GOLPH3: variants seen among roughly 807,000 people sequenced by gnomAD.
GOLPH3 encodes the protein golgi phosphoprotein 3.
Under a neutral mutation model 28.5 loss-of-function variants are expected in GOLPH3, and 14 were observed. The ratio of observed to expected loss-of-function variants is 0.49; its 90% CI spans 0.32 to 0.77. GOLPH3 has a LOEUF of 0.77. Among genes scored for constraint, GOLPH3 ranks in the 30% least tolerant of loss-of-function variants. GOLPH3 has a pLI of 0.03. For missense variants in GOLPH3, 350 were observed against 393.7 expected, an observed-to-expected ratio of 0.89 and a Z score of 0.94; for synonymous variants, 158 against 159.2, an observed-to-expected ratio of 0.99 and a Z score of 0.06.
At chr5:32,138,934 T>C (rs1426299921) in intron 2 of GOLPH3, among the ~76,000 whole-genome samples, 3 of 152,256 alleles carry the variant, frequency 2.0e-5, no homozygotes, top group African/African-American at 7.2e-5. Context: ...TACATCTAAA[T>C]ATGGTGGCCA....
chr5:32,159,173 G>C (rs1746520311), intron 1 of GOLPH3, among the ~76,000 whole-genome samples: 1 of 152,146 alleles, frequency 6.6e-6, no homozygotes, highest in African/African-American at 2.4e-5. Flanking sequence ...AACAGAAGAG[G>C]GTACAGGTTG....
chr5:32,157,920 T>G lies in GOLPH3; in HGVS notation c.226-14040A>C, dbSNP rs192254756. Among the ~76,000 whole-genome samples the G allele has an allele frequency of 7.1e-4, 108 of 151,084 alleles. 1 individual carries two copies. Among genetic ancestry groups the G allele is most frequent in the Non-Finnish European group, 1.2e-3 (80 of 67,838 alleles). On this transcript the variant is annotated intron_variant, in intron 1 of 3. Coordinates refer to ENST00000265070, the MANE Select transcript of GOLPH3 (RefSeq NM_022130.4). ...TGAACCCAGGAGGAGGAGGTTGCAG[T>G]GAGCCGAGATCACGCCATTGTACTC... is the stretch of plus-strand genomic sequence containing the variant.
chr5:32,149,574 T>C (rs1189427187), intron 1 of GOLPH3, among the ~76,000 whole-genome samples: 2 of 151,936 alleles, frequency 1.3e-5, no homozygotes, highest in African/African-American at 2.4e-5. Context: ...AAATTTTGAT[T>C]ATGTCAAAAA....
chr5:32,127,175 A>G (rs1194639808), intron 3 of GOLPH3, among the ~76,000 whole-genome samples: 1 of 152,236 alleles, frequency 6.6e-6, no homozygotes, highest in Admixed American at 6.5e-5. Flanking sequence ...CTTGCCATCC[A>G]TACATATTTC....
At chr5:32,158,209 A>T (rs1302008791) in intron 1 of GOLPH3, among the ~76,000 whole-genome samples, 2 of 150,380 alleles carry the variant, frequency 1.3e-5, no homozygotes, top group African/African-American at 4.9e-5. Context: ...AGCTCTTACC[A>T]CTCTCCATAT....
intron 1 of GOLPH3, among the ~76,000 whole-genome samples, chr5:32,154,533 G>A (rs1167826612): frequency 6.6e-6 from 1 of 152,134 alleles, no homozygotes; most frequent in Non-Finnish European, 1.5e-5. Context: ...TTTGGCTTGT[G>A]GCCTACAATT....
chr5:32,140,665 GAAA>G (rs11352127), intron 2 of GOLPH3, among the ~76,000 whole-genome samples: 1 of 117,030 alleles, frequency 8.5e-6, no homozygotes, highest in East Asian at 2.5e-4. Context: ...CTCAGTCTCA[GAAA>G]AAAAAAAAAA....
Position 32,126,212 on chromosome 5 carries a change from T to C in GOLPH3, c.897A>G (p.Ter299=). Residue 299 remains the stop codon, a stop_retained_variant, in exon 4 of 4, where the codon TAA becomes TAG. Transcript: ENST00000265070. ...LWAVVAAFTK[*] The stretch of plus-strand genomic sequence containing the variant: ...GGAGAATGGTTCACCCCGAGCAGAG[T>C]TACTTGGTGAACGCCGCCACCACCG... The C allele has an allele frequency of 1.9e-6, 3 of 1,607,292 alleles. No individual in the cohort carries two copies.
At chr5:32,160,384 AAT>A (rs780910817) in intron 1 of GOLPH3, among the ~76,000 whole-genome samples, 3 of 152,214 alleles carry the variant, frequency 2.0e-5, no homozygotes, top group Non-Finnish European at 2.9e-5. Context: ...AGCTGGAAGT[AAT>A]ATATTTCAAG....
rs553407526 is a variant in GOLPH3 at position 32,126,434 on chromosome 5, C to T, written c.675G>A (p.Trp225Ter). The stretch of plus-strand genomic sequence containing the variant: ...TGTCCATGCGGTGAGGGTCATTCAC[C>T]CATTTGTCAAGAACGGCTTCCTGTA... ...KKVQEAVLDK[W>*]VNDPHRMDRR... The change falls in exon 4 of 4, where the codon TGG (tryptophan) becomes TGA (stop). Residue 225 changes from tryptophan (W) to a stop codon, truncating the protein, a stop_gained. Transcript: ENST00000265070. LOFTEE classifies it high-confidence loss of function. The T allele has an allele frequency of 1.7e-5, 28 of 1,614,156 alleles. No homozygotes were observed. The South Asian group carries it at 2.9e-4, about 16-fold the overall frequency.
intron 1 of GOLPH3, among the ~76,000 whole-genome samples, chr5:32,157,914 T>C (rs1048114692): frequency 2.0e-5 from 3 of 149,882 alleles, no homozygotes; most frequent in Non-Finnish European, 4.4e-5. Context: ...GAGGAGGAGG[T>C]TGCAGTGAGC....
intron 1 of GOLPH3, among the ~76,000 whole-genome samples, chr5:32,155,084 G>A (rs1178424131): frequency 2.8e-5 from 3 of 106,050 alleles, no homozygotes; most frequent in South Asian, 2.8e-4. Context: ...GGGCGACAGA[G>A]CAAGACTCTG....
At chr5:32,146,612 T>C (rs1037753153) in intron 1 of GOLPH3, among the ~76,000 whole-genome samples, 11 of 152,198 alleles carry the variant, frequency 7.2e-5, no homozygotes. Flanking sequence ...CAGAAGCTTT[T>C]TGTTAAGAAG....
intron 1 of GOLPH3, among the ~76,000 whole-genome samples, chr5:32,158,533 C>T (rs1746506015): frequency 6.6e-6 from 1 of 152,012 alleles, no homozygotes; most frequent in Admixed American, 6.6e-5. Context: ...TATCTCCTTT[C>T]CATTCACAGC....
intron 3 of GOLPH3, 33 bp downstream of exon 3, chr5:32,135,539 A>C: frequency 1.6e-6 from 2 of 1,244,892 alleles, no homozygotes; most frequent in Non-Finnish European, 2.4e-6. Context: ...TTTTAAACAG[A>C]AGTTGGTTTT....
intron 2 of GOLPH3, among the ~76,000 whole-genome samples, chr5:32,137,693 T>C (rs1487689237): frequency 6.6e-6 from 1 of 152,022 alleles, no homozygotes; most frequent in Admixed American, 6.6e-5. Flanking sequence ...ATAGAATCCA[T>C]TTTAAAAGTG....
intron 2 of GOLPH3, among the ~76,000 whole-genome samples, chr5:32,139,165 A>C (rs1006198681): frequency 6.6e-6 from 1 of 152,230 alleles, no homozygotes; most frequent in Admixed American, 6.5e-5. Context: ...CCATATCTAT[A>C]GATTCAACCA....
chr5:32,173,772 C>T, intron 1 of GOLPH3, 38 bp downstream of exon 1: 2 of 1,304,516 alleles, frequency 1.5e-6, no homozygotes, highest in South Asian at 4.5e-5. Context: ...GCCCGGGCCC[C>T]GCGCCGCCGC....
At chr5:32,154,419 G>T (rs936778373) in intron 1 of GOLPH3, among the ~76,000 whole-genome samples, 5 of 152,168 alleles carry the variant, frequency 3.3e-5, no homozygotes, top group African/African-American at 7.2e-5. Context: ...ATGTAGTAGT[G>T]AGCAAAGACA....
Sources: gnomAD v4.1 joint callset for allele counts (sites outside exome capture counted in the v4.1 genomes callset) on GRCh38, gnomAD v4.1.1 for gene constraint, MANE v1.5 for transcripts, NCBI Gene and HGNC (gene_info 2026-07-23, HGNC 2026-07-21) for gene names.